TMEM132C: variants seen among roughly 807,000 people sequenced by gnomAD.
TMEM132C encodes the protein protein phosphatase 1, regulatory subunit 152.
Under a neutral mutation model 61.4 loss-of-function variants are expected in TMEM132C, and 29 were observed. The ratio of observed to expected loss-of-function variants is 0.47; its 90% CI spans 0.35 to 0.64. TMEM132C has a LOEUF of 0.64. TMEM132C is among the 30% of genes least tolerant of loss of function. The probability of loss-of-function intolerance (pLI) is 0.00; values close to 1 mark genes in which losing one functional copy is unlikely to be tolerated. For missense variants in TMEM132C, 1,408 were observed against 1,476.9 expected (o/e 0.95, Z 0.76); for synonymous variants, 656 against 633.1 (o/e 1.04, Z -0.54).
At chr12:128,651,599 C>T (rs1284508651) in intron 4 of TMEM132C, among the ~76,000 whole-genome samples, 1 of 152,184 alleles carries the variant, frequency 6.6e-6, no homozygotes, top group African/African-American at 2.4e-5. Context: ...CTGAGAGACA[C>T]AACATCTCTT....
chr12:128,406,550 T>G (rs1311562042), intron 1 of TMEM132C, among the ~76,000 whole-genome samples: 1 of 152,152 alleles, frequency 6.6e-6, no homozygotes, highest in Non-Finnish European at 1.5e-5. Flanking sequence ...GGAGGCTTCC[T>G]ATTAATAGAA....
At chr12:128,592,063 A>AG (rs1368877685) in intron 3 of TMEM132C, among the ~76,000 whole-genome samples, 1 of 150,874 alleles carries the variant, frequency 6.6e-6, no homozygotes, top group Non-Finnish European at 1.5e-5. Flanking sequence ...AAAAAAGAAA[A>AG]AAAAAAAAAA....
chr12:128,302,794 A>G (rs570553224), intron 1 of TMEM132C, among the ~76,000 whole-genome samples: 21 of 152,346 alleles, frequency 1.4e-4, no homozygotes, highest in African/African-American at 4.6e-4. Context: ...ATATAAATTG[A>G]AGATCCACGG....
At chr12:128,596,513 C>T (rs1449059377) in intron 3 of TMEM132C, among the ~76,000 whole-genome samples, 1 of 149,328 alleles carries the variant, frequency 6.7e-6, no homozygotes, top group Non-Finnish European at 1.5e-5. Flanking sequence ...TTTGCAGGTC[C>T]TGGTACAGAG....
At chr12:128,271,288 AATAATAATAATAATAATAAAATG>A (rs1438836908) in intron 1 of TMEM132C, among the ~76,000 whole-genome samples, 1 of 147,652 alleles carries the variant, frequency 6.8e-6, no homozygotes, top group Non-Finnish European at 1.5e-5. Flanking sequence ...TAATAATAAT[AATAATAATAATAATAATAAAATG>A]AAATGAAGAG....
chr12:128,605,580 G>A (rs1453300506), intron 3 of TMEM132C, among the ~76,000 whole-genome samples: 2 of 152,162 alleles, frequency 1.3e-5, no homozygotes, highest in Non-Finnish European at 2.9e-5. Flanking sequence ...AGACCAGATG[G>A]GGCAGGAGGA....
intron 1 of TMEM132C, among the ~76,000 whole-genome samples, chr12:128,408,252 C>G (rs1212851986): frequency 6.6e-6 from 1 of 152,208 alleles, no homozygotes; most frequent in Non-Finnish European, 1.5e-5. Context: ...ATAAACTCAG[C>G]ATTTGCTTAA....
chr12:128,386,201 C>T (rs1013132059), intron 1 of TMEM132C, among the ~76,000 whole-genome samples: 2 of 152,198 alleles, frequency 1.3e-5, no homozygotes, highest in Non-Finnish European at 2.9e-5. Flanking sequence ...TATTCATTTG[C>T]TCCTGCCCAC....
rs1874660265 is a variant in TMEM132C at position 128,388,509 on chromosome 12, G to A, written c.86-26223G>A. 2.0e-5 allele frequency among the ~76,000 whole-genome samples: 3 copies of A among 152,220 alleles called. No homozygotes were observed. The South Asian group carries it at 6.2e-4, about 32-fold the overall frequency. ...TTAACTGCTGTGTGTGCAATAAACT[G>A]TCTGAGGGCCAGTGAGGCCCCCTGG... On this transcript the variant is annotated intron_variant, in intron 1 of 8. Transcript: ENST00000435159.
At chr12:128,540,326 T>A (rs1300994750) in intron 2 of TMEM132C, among the ~76,000 whole-genome samples, 2 of 152,236 alleles carry the variant, frequency 1.3e-5, no homozygotes, top group Non-Finnish European at 2.9e-5. Context: ...CGATCTTGGC[T>A]CACTGCAACC....
intron 3 of TMEM132C, among the ~76,000 whole-genome samples, chr12:128,572,450 T>A (rs996210885): frequency 6.6e-6 from 1 of 151,904 alleles, no homozygotes; most frequent in Admixed American, 6.6e-5. Flanking sequence ...CTGGGTCGCA[T>A]GACCACTGTG....
intron 4 of TMEM132C, among the ~76,000 whole-genome samples, chr12:128,654,484 T>G (rs752085555): frequency 1.3e-5 from 2 of 152,306 alleles, no homozygotes; most frequent in Middle Eastern, 3.4e-3. Flanking sequence ...TTTGCTGTAC[T>G]TCATTACAGC....
At chr12:128,404,342 G>C (rs1247964633) in intron 1 of TMEM132C, 1 of 152,142 alleles carries the variant, frequency 6.6e-6, no homozygotes, top group Non-Finnish European at 1.5e-5. Flanking sequence ...CATCTGCCTG[G>C]ATAGACTTCC....
Position 128,365,668 on chromosome 12 carries a change from G to A in TMEM132C, c.86-49064G>A, listed in dbSNP as rs992747712. On this transcript the variant is annotated intron_variant, in intron 1 of 8. Transcript: ENST00000435159. ...TGGAGTACCGGTTCCAGCAGGAGCT[G>A]TGATTTCCATTGAGCTCTCAAACCA... 5.9e-5 allele frequency among the ~76,000 whole-genome samples: 9 copies of A among 152,334 alleles called. No homozygotes were observed. The East Asian group carries it at 1.4e-3, about 23-fold the overall frequency.
intron 4 of TMEM132C, among the ~76,000 whole-genome samples, chr12:128,645,974 TGTGA>T (rs199845308): frequency 0.018 from 2,772 of 151,998 alleles, 89 homozygotes; most frequent in African/African-American, 0.064. Flanking sequence ...CGGCTTTGGA[TGTGA>T]GTGTGTTTAC....
rs761084729 is a variant in TMEM132C, at chr12:128,340,856, T to TCTTCCTTCCTTCCTTCCTTC, written c.85+73388_85+73389insCCTTCCTTCCTTCCTTCCTT. Among the ~76,000 whole-genome samples, 6 of 147,374 alleles carry TCTTCCTTCCTTCCTTCCTTC rather than the reference T, an allele frequency of 4.1e-5. 1 individual carries two copies. The highest frequency in any genetic ancestry group is 2.2e-4 in the South Asian group (1 of 4,600). On this transcript the variant is annotated intron_variant, in intron 1 of 8. Coordinates refer to ENST00000435159, the MANE Select transcript of TMEM132C (RefSeq NM_001136103.3). ...CTCTCTCTCTCTTTCTCTCTTTCTT[T>TCTTCCTTCCTTCCTTCCTTC]CTTCCTTCCTTCCTTCCTTTCTTTT...
chr12:128,695,566 G>A (rs371297317), intron 6 of TMEM132C, among the ~76,000 whole-genome samples: 44 of 152,284 alleles, frequency 2.9e-4, no homozygotes, highest in African/African-American at 9.6e-4. Flanking sequence ...AATTAAAATA[G>A]CCACATGTGT....
chr12:128,320,590 A>G (rs1872299300), intron 1 of TMEM132C, among the ~76,000 whole-genome samples: 1 of 151,934 alleles, frequency 6.6e-6, no homozygotes, highest in South Asian at 2.1e-4. Context: ...ATATGGTAAG[A>G]CCTCATCTCT....
At chr12:128,533,908 A>G (rs2136138509) in intron 2 of TMEM132C, among the ~76,000 whole-genome samples, 1 of 151,888 alleles carries the variant, frequency 6.6e-6, no homozygotes, top group East Asian at 1.9e-4. Flanking sequence ...CCGTGCACAC[A>G]CATGCATACA....
Sources: allele counts gnomAD v4.1 joint callset (sites outside exome capture counted in the v4.1 genomes callset), GRCh38; gene constraint gnomAD v4.1.1; transcripts MANE v1.5; gene names NCBI Gene and HGNC (gene_info 2026-07-23, HGNC 2026-07-21).